The following MAP2 variants were observed in gnomAD, a reference collection of about 807,000 sequenced individuals.
MAP2 encodes microtubule associated protein 2.
Under a neutral mutation model 137.6 loss-of-function variants are expected in MAP2, and 14 were observed. The ratio of observed to expected loss-of-function variants is 0.10; its 90% CI spans 0.07 to 0.16. The LOEUF (loss-of-function observed/expected upper bound fraction) is 0.16. Ranked by LOEUF, MAP2 falls within the 10% of genes least tolerant of loss-of-function variation. The probability of loss-of-function intolerance (pLI) is 1.00; values close to 1 mark genes in which losing one functional copy is unlikely to be tolerated. For missense variants in MAP2, 2,088 were observed against 2,191.5 expected (o/e 0.95, Z 0.94); for synonymous variants, 786 against 782.3 (o/e 1.00, Z -0.08).
intron 13 of MAP2, among the ~76,000 whole-genome samples, chr2:209,719,818 C>T (rs1243503046): frequency 1.3e-5 from 2 of 152,146 alleles, no homozygotes; most frequent in African/African-American, 4.8e-5. Context: ...TTAACCTATG[C>T]TTATACAACT....
chr2:209,580,229 A>G (rs2076104834), intron 3 of MAP2, 129 bp downstream of exon 3: 1 of 152,102 alleles, frequency 6.6e-6, no homozygotes, highest in Non-Finnish European at 1.5e-5. Context: ...TGTCTATTGC[A>G]TATACCATTT....
At chr2:209,705,942 A>G (rs929889936) in intron 12 of MAP2, among the ~76,000 whole-genome samples, 1 of 152,168 alleles carries the variant, frequency 6.6e-6, no homozygotes, top group African/African-American at 2.4e-5. Flanking sequence ...ATATTACCCT[A>G]TTATCTAAGA....
intron 2 of MAP2, among the ~76,000 whole-genome samples, chr2:209,560,703 A>G (rs2071843511): frequency 6.6e-6 from 1 of 151,914 alleles, no homozygotes; most frequent in Non-Finnish European, 1.5e-5. Context: ...CTATCTTTAG[A>G]TTTCTTGTGG....
At chr2:209,553,365 C>T (rs572062669) in intron 2 of MAP2, among the ~76,000 whole-genome samples, 3 of 152,042 alleles carry the variant, frequency 2.0e-5, no homozygotes, top group East Asian at 1.9e-4. Flanking sequence ...AGCCCTGTAC[C>T]GTACATCATT....
At chr2:209,688,645 G>A (rs1371687568) in intron 7 of MAP2, among the ~76,000 whole-genome samples, 1 of 152,156 alleles carries the variant, frequency 6.6e-6, no homozygotes, top group African/African-American at 2.4e-5. Context: ...AAAGCTGGGA[G>A]ACTCAAGTGT....
chr2:209,528,598 C>T (rs2064479264), intron 2 of MAP2, among the ~76,000 whole-genome samples: 1 of 151,960 alleles, frequency 6.6e-6, no homozygotes, highest in African/African-American at 2.4e-5. Context: ...GAATGCTTGA[C>T]TTCTAGTCCC....
Position 209,694,329 on chromosome 2 carries a change from G to A in MAP2, c.2159G>A (p.Arg720Gln), listed in dbSNP as rs760907794. Residue 720 changes from arginine to glutamine, a missense_variant, in exon 8 of 16, where the codon CGG becomes CAG. Around this residue, in one of 6 missense-constraint regions of MAP2, gnomAD observed 500 missense variants for 482.9 expected, o/e 1.04. Coordinates refer to ENST00000682079, the MANE Select transcript of MAP2 (RefSeq NM_001375505.1). ...ATAGCCCTTGGATTTAACTTTGGTC[G>A]GGGACATGATCTTTCTCCTCTGGCT... ...DSIALGFNFG[R>Q]GHDLSPLASD... is the part of the protein sequence containing the mutation. The A allele has an allele frequency of 1.7e-5, 27 of 1,613,920 alleles. No homozygotes were observed. Among genetic ancestry groups the A allele is most frequent in the Non-Finnish European group, 2.1e-5 (25 of 1,179,996 alleles).
intron 1 of MAP2, among the ~76,000 whole-genome samples, chr2:209,464,166 A>C (rs1703555916): frequency 6.6e-6 from 1 of 152,146 alleles, no homozygotes; most frequent in Admixed American, 6.6e-5. Context: ...AATTCTTTGA[A>C]TGATTGAAAT....
chr2:209,705,543 A>G, intron 11 of MAP2, 37 bp from the exon 12 acceptor site: 2 of 1,539,564 alleles, frequency 1.3e-6, no homozygotes, highest in Non-Finnish European at 1.7e-6. Flanking sequence ...TTAAAGAGTT[A>G]CAAGAACCCA....
intron 13 of MAP2, among the ~76,000 whole-genome samples, chr2:209,717,600 G>C (rs2068231290): frequency 6.6e-6 from 1 of 152,116 alleles, no homozygotes. Flanking sequence ...CTCATTATAT[G>C]AAATTATAAT....
chr2:209,488,024 G>A (rs10207071), intron 1 of MAP2, among the ~76,000 whole-genome samples: 4 of 152,084 alleles, frequency 2.6e-5, no homozygotes, highest in African/African-American at 7.2e-5. Flanking sequence ...GAACAGCTCC[G>A]GTCTGCAGCT....
chr2:209,450,745 G>C (rs1700125063), intron 1 of MAP2, among the ~76,000 whole-genome samples: 1 of 152,090 alleles, frequency 6.6e-6, no homozygotes. Context: ...TAGCTCATTG[G>C]AAAGTCTGAC....
intron 2 of MAP2, among the ~76,000 whole-genome samples, chr2:209,547,334 T>A (rs185357464): frequency 3.3e-4 from 50 of 151,880 alleles, no homozygotes; most frequent in Non-Finnish European, 5.6e-4. Flanking sequence ...CTTTTTTTTT[T>A]AAATATGTTT....
At chr2:209,513,529 A>G (rs2062023652) in intron 2 of MAP2, among the ~76,000 whole-genome samples, 1 of 151,154 alleles carries the variant, frequency 6.6e-6, no homozygotes. Context: ...TGTATTACAT[A>G]TGAAGACTAT....
At chr2:209,711,112 A>T (rs2065309632) in intron 13 of MAP2, among the ~76,000 whole-genome samples, 1 of 152,174 alleles carries the variant, frequency 6.6e-6, no homozygotes. Flanking sequence ...CTTTTTTGAA[A>T]GAAAGAAGGA....
rs751759137 is a variant in MAP2 at position 209,695,474 on chromosome 2, G to A, written c.3304G>A (p.Gly1102Ser). ...TGTTGAGTCTGGCCACATGAAAGAA[G>A]GCACTAAAGTTAGTGAGACAGAAGT... ...MGVESGHMKEGTKVSETEVKE... is the reference protein window; with the variant it reads ...MGVESGHMKESTKVSETEVKE... The change falls in exon 8 of 16, where the codon GGC (glycine) becomes AGC (serine). Residue 1102 changes from glycine to serine, a missense_variant. Physicochemically the swap from Gly to Ser is moderately conservative, Grantham distance 56. Transcript: ENST00000682079. The A allele has an allele frequency of 3.7e-6, 6 of 1,613,980 alleles. No homozygotes were observed. Among genetic ancestry groups the A allele is most frequent in the Non-Finnish European group, 5.1e-6 (6 of 1,180,022 alleles).
At chr2:209,456,012 C>T (rs993208906) in intron 1 of MAP2, among the ~76,000 whole-genome samples, 2 of 152,174 alleles carry the variant, frequency 1.3e-5, no homozygotes, top group Non-Finnish European at 2.9e-5. Flanking sequence ...TTACTGACAA[C>T]TCCTTAGGAC....
At chr2:209,623,278 A>G (rs1442654964) in intron 3 of MAP2, among the ~76,000 whole-genome samples, 1 of 152,122 alleles carries the variant, frequency 6.6e-6, no homozygotes, top group African/African-American at 2.4e-5. Context: ...AAAGCACTGT[A>G]TTTTTTAAAA....
chr2:209,605,213 A>G (rs1039119881), intron 3 of MAP2, among the ~76,000 whole-genome samples: 4 of 152,118 alleles, frequency 2.6e-5, no homozygotes, highest in African/African-American at 9.7e-5. Context: ...GACTCATTTC[A>G]CTATCTTAGA....
Sources: gnomAD v4.1 joint callset for allele counts (sites outside exome capture counted in the v4.1 genomes callset) on GRCh38, gnomAD v4.1.1 for gene constraint, gnomAD v4.1.1 regional missense constraint, MANE v1.5 for transcripts, NCBI Gene and HGNC (gene_info 2026-07-23, HGNC 2026-07-21) for gene names.